NOS1AP: variants seen among roughly 807,000 people sequenced by gnomAD.
NOS1AP encodes nitric oxide synthase 1 adaptor protein.
NOS1AP carries 21 observed loss-of-function variants against 56.2 expected under a neutral mutation model. The ratio of observed to expected loss-of-function variants is 0.37; its 90% CI spans 0.26 to 0.54. NOS1AP has a LOEUF of 0.54. NOS1AP is among the 20% of genes least tolerant of loss of function. The pLI, the probability that NOS1AP is intolerant of heterozygous loss-of-function variation, is 0.84. For missense variants in NOS1AP, 522 were observed against 657.8 expected (o/e 0.79, Z 2.26); for synonymous variants, 270 against 274.6 (o/e 0.98, Z 0.17).
intron 1 of NOS1AP, among the ~76,000 whole-genome samples, chr1:162,128,336 T>C (rs1347319748): frequency 6.6e-6 from 1 of 152,104 alleles, no homozygotes; most frequent in Non-Finnish European, 1.5e-5. Context: ...TGCACTTGGG[T>C]TTTTAAAAAT....
chr1:162,154,321 C>A, intron 1 of NOS1AP, 84 bp from the exon 2 acceptor site: 1 of 1,182,438 alleles, frequency 8.5e-7, no homozygotes, highest in Non-Finnish European at 1.3e-6. Context: ...GGCAGATGAG[C>A]TAGTCCTTTA....
At position 162,128,999 on chromosome 1, in the gene NOS1AP, G is replaced by A. The variant is rs540400230; in HGVS notation, c.106-25406G>A. ...TCTCATTAGGCGCTGATAACCCCTA[G>A]GTTTATTTCACCTTTATTCTGCAGA... On this transcript the variant is annotated intron_variant, in intron 1 of 9. Coordinates refer to ENST00000361897, the MANE Select transcript of NOS1AP (RefSeq NM_014697.3). Among the ~76,000 whole-genome samples the A allele has an allele frequency of 1.1e-4, 16 of 152,108 alleles. 1 individual carries two copies. Among genetic ancestry groups the A allele is most frequent in the African/African-American group, 3.6e-4 (15 of 41,484 alleles).
At chr1:162,346,683 C>T (rs1328515094) in intron 6 of NOS1AP, among the ~76,000 whole-genome samples, 1 of 152,164 alleles carries the variant, frequency 6.6e-6, no homozygotes, top group Admixed American at 6.6e-5. Context: ...ACTTTTATGG[C>T]CTTTATACTT....
chr1:162,258,422 G>A (rs1383458402), intron 2 of NOS1AP, among the ~76,000 whole-genome samples: 15 of 152,158 alleles, frequency 9.9e-5, no homozygotes, highest in Admixed American at 9.8e-4. Context: ...TTCCAAATGG[G>A]TGGGAGACAT....
At chr1:162,273,710 G>A (rs75944930) in intron 2 of NOS1AP, among the ~76,000 whole-genome samples, 3,825 of 152,174 alleles carry the variant, frequency 0.025, 68 homozygotes, top group Non-Finnish European at 0.038. Context: ...GATTTTGGGG[G>A]TATAGTATTA....
At chr1:162,095,411 C>T (rs1692217878) in intron 1 of NOS1AP, among the ~76,000 whole-genome samples, 2 of 152,160 alleles carry the variant, frequency 1.3e-5, no homozygotes, top group Admixed American at 1.3e-4. Context: ...ACTTCTCAGT[C>T]TTCAGAACTG....
Position 162,357,060 on chromosome 1 carries a change from C to A in NOS1AP, c.863C>A (p.Ser288Tyr), listed in dbSNP as rs1156689514. ...GGCCTGGGCACAGAGACACCGCTGT[C>A]CACTCACCACCAGATGCAGCTCCTC... ...PPGLGTETPLSTHHQMQLLQQ... is the reference protein window; with the variant it reads ...PPGLGTETPLYTHHQMQLLQQ... The change falls in exon 8 of 10, where the codon TCC (serine) becomes TAC (tyrosine). Residue 288 changes from serine to tyrosine, a missense_variant. Physicochemically the swap from Ser to Tyr is moderately radical, Grantham distance 144. Transcript: ENST00000361897. The A allele has an allele frequency of 1.2e-6, 2 of 1,613,276 alleles. No homozygotes were observed. Among genetic ancestry groups the A allele is most frequent in the Admixed American group, 1.7e-5 (1 of 60,018 alleles).
intron 1 of NOS1AP, among the ~76,000 whole-genome samples, chr1:162,116,334 A>G (rs1434850310): frequency 6.6e-6 from 1 of 152,146 alleles, no homozygotes. Context: ...GCTGCTCCCC[A>G]GTAAATTTGC....
chr1:162,122,847 T>C (rs1648299751), intron 1 of NOS1AP, among the ~76,000 whole-genome samples: 1 of 152,204 alleles, frequency 6.6e-6, no homozygotes, highest in Non-Finnish European at 1.5e-5. Flanking sequence ...TTTAAACTTC[T>C]TTAATTTTAT....
At chr1:162,271,320 A>G (rs1029480672) in intron 2 of NOS1AP, among the ~76,000 whole-genome samples, 1 of 145,522 alleles carries the variant, frequency 6.9e-6, no homozygotes, top group Non-Finnish European at 1.5e-5. Context: ...GATACTACCC[A>G]GAAGTCCAGT....
At chr1:162,355,910 G>A (rs1344887690) in intron 7 of NOS1AP, among the ~76,000 whole-genome samples, 1 of 152,208 alleles carries the variant, frequency 6.6e-6, no homozygotes, top group African/African-American at 2.4e-5. Context: ...GGTTCCTAAT[G>A]TGATCCAATT....
intron 2 of NOS1AP, among the ~76,000 whole-genome samples, chr1:162,215,059 ATG>A (rs1557835533): frequency 6.6e-6 from 1 of 152,110 alleles, no homozygotes; most frequent in Non-Finnish European, 1.5e-5. Context: ...TAGGGCTTTT[ATG>A]CTGCATTCTC....
At chr1:162,070,325 G>T (rs375339763) in intron 1 of NOS1AP, 43 bp downstream of exon 1, 28 of 1,539,714 alleles carry the variant, frequency 1.8e-5, no homozygotes, top group African/African-American at 2.7e-5. Context: ...GTGGCGGTTG[G>T]GGGGGCATGT....
intron 4 of NOS1AP, among the ~76,000 whole-genome samples, chr1:162,303,142 G>C (rs1358552474): frequency 6.6e-6 from 1 of 152,122 alleles, no homozygotes; most frequent in Non-Finnish European, 1.5e-5. Flanking sequence ...TTTGTGTAAT[G>C]AACATTCATA....
At chr1:162,320,918 G>A (rs1000559519) in intron 4 of NOS1AP, among the ~76,000 whole-genome samples, 50 of 152,000 alleles carry the variant, frequency 3.3e-4, no homozygotes, top group Non-Finnish European at 7.4e-5. Flanking sequence ...GGTCAAATAG[G>A]AATGGGTTCA....
chr1:162,333,463 T>C (rs1656840842), intron 5 of NOS1AP, among the ~76,000 whole-genome samples: 1 of 152,190 alleles, frequency 6.6e-6, no homozygotes, highest in African/African-American at 2.4e-5. Flanking sequence ...CAATTCTGTA[T>C]ATTGATTAGG....
In NOS1AP at chr1:162,258,089, TG is replaced by T. The variant is rs537299602; in HGVS notation, c.178-29254del. Among the ~76,000 whole-genome samples the T allele has an allele frequency of 2.2e-3, 338 of 152,312 alleles. 2 individuals carry two copies. Among genetic ancestry groups the T allele is most frequent in the African/African-American group, 7.5e-3 (311 of 41,572 alleles). On this transcript the variant is annotated intron_variant, in intron 2 of 9. Transcript: ENST00000361897. Reference sequence around the variant, plus strand: ...ATGTACAGGCCTGTTTGCTTTTCCCTGACACTGCAGGTATCTAGAGCTTTCT... The same window carrying T: ...ATGTACAGGCCTGTTTGCTTTTCCCTACACTGCAGGTATCTAGAGCTTTCT...
intron 6 of NOS1AP, among the ~76,000 whole-genome samples, chr1:162,349,214 C>A (rs1040930609): frequency 3.9e-5 from 6 of 151,946 alleles, no homozygotes; most frequent in Non-Finnish European, 8.8e-5. Flanking sequence ...AAAAAAAAGA[C>A]CTTCAACTGA....
chr1:162,269,683 T>C (rs868159460), intron 2 of NOS1AP, among the ~76,000 whole-genome samples: 12 of 152,218 alleles, frequency 7.9e-5, no homozygotes, highest in Non-Finnish European at 7.3e-5. Flanking sequence ...ATCCTTTGAT[T>C]TGGGCTCAGA....
Sources: gnomAD v4.1 joint callset for allele counts (sites outside exome capture counted in the v4.1 genomes callset) on GRCh38, gnomAD v4.1.1 for gene constraint, MANE v1.5 for transcripts, NCBI Gene and HGNC (gene_info 2026-07-23, HGNC 2026-07-21) for gene names.